CPA6: variants seen among roughly 807,000 people sequenced by gnomAD.
The protein encoded by CPA6 is carboxypeptidase A6.
Under a neutral mutation model 63.3 loss-of-function variants are expected in CPA6, and 58 were observed. The ratio of observed to expected loss-of-function variants is 0.92; its 90% CI spans 0.74 to 1.14. CPA6 has a LOEUF of 1.14. Among genes scored for constraint, CPA6 ranks in the 50% most tolerant of loss-of-function variants. The pLI is 0.00. For missense variants in CPA6, 565 were observed against 526.6 expected, an observed-to-expected ratio of 1.07 and a Z score of -0.71; for synonymous variants, 185 against 179.0, an observed-to-expected ratio of 1.03 and a Z score of -0.27.
At chr8:67,614,940 A>C (rs1814906772) in intron 2 of CPA6, among the ~76,000 whole-genome samples, 1 of 152,190 alleles carries the variant, frequency 6.6e-6, no homozygotes, top group Non-Finnish European at 1.5e-5. Flanking sequence ...ACTTTTAAGC[A>C]CCATGCTAAC....
chr8:67,746,176 G>T lies in CPA6; in HGVS notation c.-47C>A. 1 of 1,428,040 alleles carries T rather than the reference G, an allele frequency of 7.0e-7. No homozygotes were observed. The highest frequency in any genetic ancestry group is 1.2e-5 in the South Asian group (1 of 80,194). 88.5% of individuals were successfully genotyped at this position (1,428,040 alleles called of 1,614,324 possible). On this transcript the variant is annotated 5_prime_UTR_variant, in exon 1 of 11. Transcript: ENST00000297770. ...GAAAGTTACTTAAGCAGCCACCCGA[G>T]GCTGGAGGTGGCTCACAGCACCCTC... is the stretch of plus-strand genomic sequence containing the variant.
At chr8:67,484,623 C>T (rs1200365968) in intron 7 of CPA6, 56 bp downstream of exon 7, 3 of 921,734 alleles carry the variant, frequency 3.3e-6, no homozygotes, top group African/African-American at 1.7e-5. Context: ...GTTTGTGACT[C>T]TGTTTTCTAT....
chr8:67,729,320 T>A (rs2553679), intron 1 of CPA6, among the ~76,000 whole-genome samples: 126,853 of 152,214 alleles, frequency 0.83, 53,155 homozygotes, highest in Admixed American at 0.88. Flanking sequence ...TTTTATAGCA[T>A]GAAAAAAAGC....
At chr8:67,439,856 G>A (rs1305833862) in intron 8 of CPA6, among the ~76,000 whole-genome samples, 2 of 152,076 alleles carry the variant, frequency 1.3e-5, no homozygotes, top group Non-Finnish European at 2.9e-5. Flanking sequence ...GAATTCCTGA[G>A]CTCAAGCAAT....
chr8:67,586,317 T>C (rs1813933223), intron 2 of CPA6, among the ~76,000 whole-genome samples: 1 of 152,156 alleles, frequency 6.6e-6, no homozygotes, highest in Non-Finnish European at 1.5e-5. Context: ...ACGTGGGCTT[T>C]GGGGACTCAC....
intron 1 of CPA6, among the ~76,000 whole-genome samples, chr8:67,709,948 T>TA (rs927525731): frequency 4.6e-5 from 7 of 151,898 alleles, no homozygotes; most frequent in Non-Finnish European, 1.0e-4. Flanking sequence ...CCGTCTCTAC[T>TA]AAAAAAATAC....
intron 2 of CPA6, among the ~76,000 whole-genome samples, chr8:67,532,056 CT>C (rs1367079044): frequency 1.3e-5 from 2 of 151,850 alleles, no homozygotes; most frequent in African/African-American, 4.8e-5. Flanking sequence ...AATACGAAAA[CT>C]TGATGAATTG....
intron 2 of CPA6, among the ~76,000 whole-genome samples, chr8:67,623,860 C>A (rs2128986909): frequency 6.6e-6 from 1 of 152,082 alleles, no homozygotes; most frequent in South Asian, 2.1e-4. Context: ...GAGTTCAAGA[C>A]CAGCCTGGCC....
At chr8:67,582,059 G>T (rs543344632) in intron 2 of CPA6, among the ~76,000 whole-genome samples, 5 of 152,204 alleles carry the variant, frequency 3.3e-5, no homozygotes, top group African/African-American at 9.6e-5. Context: ...TAGTGGGGTG[G>T]AAAGTTATTT....
intron 8 of CPA6, among the ~76,000 whole-genome samples, chr8:67,442,751 A>G (rs1274012107): frequency 2.0e-5 from 3 of 152,192 alleles, no homozygotes; most frequent in Non-Finnish European, 2.9e-5. Context: ...ACCTCTTGGT[A>G]CAGTGAGCAT....
At chr8:67,595,254 G>A (rs1274276900) in intron 2 of CPA6, among the ~76,000 whole-genome samples, 1 of 152,180 alleles carries the variant, frequency 6.6e-6, no homozygotes, top group African/African-American at 2.4e-5. Context: ...TTGTCTCAGA[G>A]GAGTACCTGG....
intron 2 of CPA6, among the ~76,000 whole-genome samples, chr8:67,621,260 T>A (rs1221164301): frequency 6.6e-6 from 1 of 152,216 alleles, no homozygotes; most frequent in Non-Finnish European, 1.5e-5. Context: ...CTTTGTATCC[T>A]TTTGCTGTGA....
rs553519724 is a variant in CPA6 at position 67,576,568 on chromosome 8, A to G, written c.192+47608T>C. Among the ~76,000 whole-genome samples, 10 of 152,378 alleles carry G rather than the reference A, an allele frequency of 6.6e-5. No homozygotes were observed. The South Asian group carries it at 2.1e-3, about 32-fold the overall frequency. The stretch of plus-strand genomic sequence containing the variant: ...TGGAATCATACGTGCTCCACTATCA[A>G]GCATATTTCTGACAGCAGGGAATGT... On this transcript the variant is annotated intron_variant, in intron 2 of 10. Coordinates refer to ENST00000297770, the MANE Select transcript of CPA6 (RefSeq NM_020361.5).
intron 2 of CPA6, among the ~76,000 whole-genome samples, chr8:67,576,047 G>A (rs1813617236): frequency 1.3e-5 from 2 of 152,140 alleles, no homozygotes; most frequent in Non-Finnish European, 2.9e-5. Flanking sequence ...TTGGAGGAAT[G>A]GGGAGATGAT....
rs779117472 is a variant in CPA6, at chr8:67,511,590, C to T, written c.383G>A (p.Arg128Gln). The part of the protein sequence containing the change: ...KGSSLHTQRN[R>Q]RSLSGYNYEV... ...ATAATTATATCCAGAGAGGGATCTT[C>T]GGTTTCTCTGGGTGTGCAAGCTGCT... The change falls in exon 4 of 11, where the codon CGA becomes CAA. Residue 128 changes from arginine to glutamine, a missense_variant. Physicochemically the swap from Arg to Gln is conservative, Grantham distance 43 (BLOSUM62 1). Transcript: ENST00000297770. 1.9e-5 allele frequency: 30 copies of T among 1,612,002 alleles called. No individual in the cohort carries two copies. The highest frequency in any genetic ancestry group is 3.3e-5 in the South Asian group (3 of 91,022).
In CPA6 at chr8:67,433,948, T is replaced by C. The variant is rs78562841; in HGVS notation, c.1041+90A>G. The C allele has an allele frequency of 8.7e-3, 7,177 of 829,614 alleles. 329 individuals carry two copies. The African/African-American group carries it at 0.1, about 12-fold the overall frequency. 51.4% of individuals were successfully genotyped at this position (829,614 alleles called of 1,614,324 possible). On this transcript the variant is annotated intron_variant, in intron 9 of 10. Transcript: ENST00000297770. ...ATTTATTAGGATAAACACAAACATG[T>C]GTTTGCCATTATCATTAGTACTTAG... is the stretch of plus-strand genomic sequence containing the variant.
chr8:67,689,750 C>G (rs962814691), intron 1 of CPA6, among the ~76,000 whole-genome samples: 1 of 152,182 alleles, frequency 6.6e-6, no homozygotes, highest in Non-Finnish European at 1.5e-5. Context: ...GTGCATGTGT[C>G]TTTTTGGTAG....
chr8:67,505,100 G>A (rs1468022824), intron 6 of CPA6, among the ~76,000 whole-genome samples: 1 of 152,194 alleles, frequency 6.6e-6, no homozygotes, highest in African/African-American at 2.4e-5. Context: ...CAGTGCTGCT[G>A]TATATGGCTC....
intron 1 of CPA6, among the ~76,000 whole-genome samples, chr8:67,657,909 A>C (rs368995075): frequency 1.3e-5 from 2 of 152,114 alleles, no homozygotes; most frequent in East Asian, 3.9e-4. Context: ...GTATTCACTA[A>C]ATAAATATTT....
Sources: allele counts gnomAD v4.1 joint callset (sites outside exome capture counted in the v4.1 genomes callset), GRCh38; gene constraint gnomAD v4.1.1; transcripts MANE v1.5; gene names NCBI Gene and HGNC (gene_info 2026-07-23, HGNC 2026-07-21).